Variants in NUP214 observed in about 807,000 individuals in gnomAD.
The protein encoded by NUP214 is nucleoporin 214.
A neutral mutation model predicts 196.2 loss-of-function variants in NUP214; 79 were observed. The ratio of observed to expected loss-of-function variants is 0.40; its 90% CI spans 0.34 to 0.49. The LOEUF (loss-of-function observed/expected upper bound fraction) is 0.49. NUP214 is among the 20% of genes least tolerant of loss of function. The probability of loss-of-function intolerance (pLI) is 0.58; values close to 1 mark genes in which losing one functional copy is unlikely to be tolerated. For synonymous variants in NUP214, 1,020 were observed against 990.5 expected, an observed-to-expected ratio of 1.03 and a Z score of -0.56; for missense variants, 2,468 against 2,539.0, an observed-to-expected ratio of 0.97 and a Z score of 0.60.
At chr9:131,132,683 G>A (rs1012543749) in intron 6 of NUP214, 24 bp downstream of exon 6, 1 of 1,593,332 alleles carries the variant, frequency 6.3e-7, no homozygotes, top group Non-Finnish European at 8.6e-7. Flanking sequence ...TTCTTATTGG[G>A]CTGACCTCTA....
chr9:131,198,496 C>G lies in NUP214; in HGVS notation c.5002C>G (p.Pro1668Ala), dbSNP rs1284289347. 10 of 1,614,238 alleles carry G rather than the reference C, an allele frequency of 6.2e-6. No individual in the cohort carries two copies. Among genetic ancestry groups the G allele is most frequent in the Non-Finnish European group, 7.6e-6 (9 of 1,180,036 alleles). The change falls in exon 29 of 36, where the codon CCC becomes GCC. Residue 1668 changes from proline (P) to alanine (A), a missense_variant. By Grantham distance (27) the Pro-to-Ala change is conservative. Transcript: ENST00000359428. The stretch of plus-strand genomic sequence containing the variant: ...GCTCACCAACAACACAGCCACTGCC[C>G]CCTCTGCCACGCCCGTGTTTGGGCA... Reference protein sequence around the residue: ...NQLTNNTATAPSATPVFGQVA... With the variant: ...NQLTNNTATAASATPVFGQVA...
At position 131,151,755 on chromosome 9, in the gene NUP214, G is replaced by A. The variant is rs1278429364; in HGVS notation, c.2297G>A (p.Ser766Asn). ...ETTESLHGDI[S>N]SLKTTLLEGF... Reference sequence around the variant, plus strand: ...TTCTAGTCGCTTCATGGAGATATAAGTAGCCTGAAAACAACTTTACTTGAG... The same window carrying A: ...TTCTAGTCGCTTCATGGAGATATAAATAGCCTGAAAACAACTTTACTTGAG... The change falls in exon 17 of 36, where the codon AGT (serine) becomes AAT (asparagine). Residue 766 changes from serine to asparagine, a missense_variant. This residue lies in a region of NUP214 where 1,801 missense variants were observed against 1,779.4 expected (regional missense o/e 1.01). Coordinates refer to ENST00000359428, the MANE Select transcript of NUP214 (RefSeq NM_005085.4). The A allele has an allele frequency of 2.5e-6, 4 of 1,611,628 alleles. No homozygotes were observed. The African/African-American group carries it at 4.0e-5, about 16-fold the overall frequency.
Position 131,222,947 on chromosome 9 carries a change from T to C in NUP214, c.5902+17T>C. 1 of 1,609,572 alleles carries C rather than the reference T, an allele frequency of 6.2e-7. No individual in the cohort carries two copies. Among genetic ancestry groups the C allele is most frequent in the Non-Finnish European group, 8.5e-7 (1 of 1,177,360 alleles). ...ACAAAACAGGTACTCCTATGTCTAT[T>C]TGTTATGGTTATCTTTATATATGTA... On this transcript the variant is annotated intron_variant, in intron 32 of 35. Transcript: ENST00000359428.
chr9:131,229,878 G>A (rs1834828623), intron 33 of NUP214: 3 of 432,078 alleles, frequency 6.9e-6, no homozygotes, highest in Non-Finnish European at 1.4e-5. Context: ...TTGCTTTGGG[G>A]TTGATTCTTG....
intron 17 of NUP214, among the ~76,000 whole-genome samples, chr9:131,157,963 A>G (rs1464775504): frequency 2.0e-5 from 3 of 152,038 alleles, no homozygotes; most frequent in Non-Finnish European, 2.9e-5. Flanking sequence ...TTGTATTTTT[A>G]GTAGAGATGG....
At chr9:131,206,148 C>CTTTTTTTTCTTTTTTTTT (rs1834077168) in intron 30 of NUP214, among the ~76,000 whole-genome samples, 1 of 76,388 alleles carries the variant, frequency 1.3e-5, no homozygotes, top group Non-Finnish European at 2.4e-5. Context: ...TTTCTTTTTT[C>CTTTTTTTTCTTTTTTTTT]TTTTTTTTTT....
Position 131,233,764 on chromosome 9 carries a change from G to T in NUP214, c.*277G>T, listed in dbSNP as rs1834941819. 1 of 484,278 alleles carries T rather than the reference G, an allele frequency of 2.1e-6. No homozygotes were observed. The highest frequency in any genetic ancestry group is 3.7e-5 in the East Asian group (1 of 27,088). The allele number at this position is 484,278 out of a possible 1,614,324, so 30.0% of individuals were successfully genotyped here. A position where few individuals can be genotyped will look rare whatever the true frequency, so the allele number is the denominator to read the frequency against. ...AAGATTGCCCCGTTTCTGTGGCTCT[G>T]AGAAGCCAGCAGAGCCTCCATCAGC... On this transcript the variant is annotated 3_prime_UTR_variant, in exon 36 of 36. Transcript: ENST00000359428.
intron 31 of NUP214, among the ~76,000 whole-genome samples, chr9:131,222,152 TAACA>T (rs1346336713): frequency 1.3e-5 from 2 of 152,228 alleles, no homozygotes; most frequent in Non-Finnish European, 2.9e-5. Context: ...CTAGCCTCTT[TAACA>T]TTCTTCAGAC....
At chr9:131,201,428 T>C (rs535778397) in intron 29 of NUP214, among the ~76,000 whole-genome samples, 209 of 151,672 alleles carry the variant, frequency 1.4e-3, no homozygotes, top group Non-Finnish European at 1.9e-3. Flanking sequence ...TAGCTGGGCA[T>C]GGTGGCACAC....
chr9:131,232,489 C>A lies in NUP214; in HGVS notation c.6239+181C>A. The A allele has an allele frequency of 1.5e-6, 1 of 682,948 alleles. No individual in the cohort carries two copies. 42.3% of individuals were successfully genotyped at this position (682,948 alleles called of 1,614,324 possible). A position where few individuals can be genotyped will look rare whatever the true frequency, so the allele number is the denominator to read the frequency against. On this transcript the variant is annotated intron_variant, in intron 35 of 35. Coordinates refer to ENST00000359428, the MANE Select transcript of NUP214 (RefSeq NM_005085.4). The surrounding 1 kb of genome is among the most constrained non-coding windows in gnomAD (Gnocchi z 5.1). ...TTTGTGGACTTGCTCTTCTCTGTAGCAATATGGCAGGAGGTGCCAGGCCTC... is the reference window on the plus strand; with the variant it reads ...TTTGTGGACTTGCTCTTCTCTGTAGAAATATGGCAGGAGGTGCCAGGCCTC...
At chr9:131,150,830 C>G in intron 16 of NUP214, 65 bp downstream of exon 16, 1 of 1,465,542 alleles carries the variant, frequency 6.8e-7, no homozygotes, top group South Asian at 1.3e-5. Context: ...TCCTAGTACT[C>G]CATGGGGTTA....
At position 131,216,213 on chromosome 9, in the gene NUP214, C is replaced by CT. The variant is rs113694633; in HGVS notation, c.5749+861dup. On this transcript the variant is annotated intron_variant, in intron 31 of 35. Transcript: ENST00000359428. ...CCTTCTTTAGCTAATTTTAAAAATT[C>CT]TTTTTTTTTTTTTTTTCTTTTTTCT... 7.2e-3 allele frequency among the ~76,000 whole-genome samples: 880 copies of CT among 122,684 alleles called. 4 individuals carry two copies. The highest frequency in any genetic ancestry group is 0.011 in the Middle Eastern group (2 of 182). 80.5% of individuals were successfully genotyped at this position (122,684 alleles called of 152,430 possible). A position where few individuals can be genotyped will look rare whatever the true frequency, so the allele number is the denominator to read the frequency against.
intron 23 of NUP214, 172 bp downstream of exon 23, chr9:131,175,793 T>C (rs1389230130): frequency 4.6e-5 from 45 of 983,950 alleles, no homozygotes; most frequent in Non-Finnish European, 5.9e-5. Context: ...AAGCAGAGAC[T>C]AGGTCTGAAA....
At chr9:131,144,842 G>A in intron 12 of NUP214, 88 bp downstream of exon 12, 2 of 1,041,816 alleles carry the variant, frequency 1.9e-6, no homozygotes, top group South Asian at 1.7e-5. Context: ...TCTGAGAGGA[G>A]TTAACTGAGT....
intron 14 of NUP214, among the ~76,000 whole-genome samples, chr9:131,149,198 A>G (rs1293154199): frequency 6.6e-6 from 1 of 152,088 alleles, no homozygotes; most frequent in Non-Finnish European, 1.5e-5. Flanking sequence ...TGCCCAGGTC[A>G]CAGTTCACGG....
chr9:131,200,650 AGT>A (rs1286083543), intron 29 of NUP214, among the ~76,000 whole-genome samples: 1 of 152,210 alleles, frequency 6.6e-6, no homozygotes, highest in Admixed American at 6.5e-5. Context: ...CGGAGGTTGC[AGT>A]GAGCCAAGAT....
chr9:131,158,038 C>T lies in NUP214; in HGVS notation c.2437-1345C>T, dbSNP rs1832512677. 5.9e-5 allele frequency among the ~76,000 whole-genome samples: 9 copies of T among 151,838 alleles called. No homozygotes were observed. The South Asian group carries it at 1.9e-3, about 32-fold the overall frequency. On this transcript the variant is annotated intron_variant, in intron 17 of 35. Coordinates refer to ENST00000359428, the MANE Select transcript of NUP214 (RefSeq NM_005085.4). ...CCTCGAGTAATACACCCGTCCTGGC[C>T]TCCCAAAGTGCTGGGATTACATGCA...
rs150421135 is a variant in NUP214 at position 131,197,436 on chromosome 9, G to A, written c.3942G>A (p.Pro1314=). ...STTSSKLETP[P]SKLGELLFPS... ...CCTCTAGTAAGCTGGAAACCCCACC[G>A]TCCAAGCTGGGAGAGCTTCTGTTTC... The change falls in exon 29 of 36, where the codon CCG becomes CCA. Residue 1314 remains proline (P), a synonymous_variant. Coordinates refer to ENST00000359428, the MANE Select transcript of NUP214 (RefSeq NM_005085.4). The A allele has an allele frequency of 1.5e-3, 2,420 of 1,614,136 alleles. 5 individuals carry two copies. Among genetic ancestry groups the A allele is most frequent in the Middle Eastern group, 7.1e-3 (43 of 6,062 alleles).
chr9:131,185,865 A>G (rs1344855906), intron 24 of NUP214, among the ~76,000 whole-genome samples: 1 of 152,276 alleles, frequency 6.6e-6, no homozygotes, highest in Non-Finnish European at 1.5e-5. Flanking sequence ...ACAAATAAAT[A>G]GAATAATAAT....
Sources: allele counts gnomAD v4.1 joint callset (sites outside exome capture counted in the v4.1 genomes callset), GRCh38; gene constraint gnomAD v4.1.1; regional missense constraint gnomAD v4.1.1; non-coding constraint Gnocchi (gnomAD v3.1); transcripts MANE v1.5; gene names NCBI Gene and HGNC (gene_info 2026-07-23, HGNC 2026-07-21).